Variants in OCA2 observed in about 807,000 individuals in gnomAD.
OCA2 encodes the protein OCA2 melanosomal transmembrane protein, also known as P protein.
In OCA2, 77 loss-of-function variants were observed where a neutral mutation model predicts 100.2. That is an observed-to-expected ratio of 0.77 (90% CI 0.64 to 0.93). The LOEUF (loss-of-function observed/expected upper bound fraction) is 0.93. Among genes scored for constraint, OCA2 ranks in the 40% least tolerant of loss-of-function variants. The probability of loss-of-function intolerance (pLI) is 0.00; values close to 1 mark genes in which losing one functional copy is unlikely to be tolerated. For missense variants in OCA2, 1,062 were observed against 1,089.1 expected, an observed-to-expected ratio of 0.98 and a Z score of 0.35; for synonymous variants, 432 against 439.2, an observed-to-expected ratio of 0.98 and a Z score of 0.21.
At chr15:27,899,952 T>A (rs915707173) in intron 19 of OCA2, among the ~76,000 whole-genome samples, 2 of 152,126 alleles carry the variant, frequency 1.3e-5, no homozygotes, top group African/African-American at 4.8e-5. Context: ...TTAATTATCT[T>A]GAGCTCAGTG....
chr15:27,983,294 T>C (rs1273686423), intron 14 of OCA2, 51 bp downstream of exon 14: 2 of 1,611,322 alleles, frequency 1.2e-6, no homozygotes, highest in East Asian at 4.5e-5. Flanking sequence ...GAGCTCTAAC[T>C]AAGTGGAGGT....
At chr15:28,062,677 T>C (rs2043910561) in intron 2 of OCA2, among the ~76,000 whole-genome samples, 1 of 152,218 alleles carries the variant, frequency 6.6e-6, no homozygotes, top group Non-Finnish European at 1.5e-5. Context: ...CTAGGAGTTT[T>C]ATAGTTTTAG....
At chr15:28,079,046 AG>A (rs1314287028) in intron 2 of OCA2, among the ~76,000 whole-genome samples, 1 of 152,204 alleles carries the variant, frequency 6.6e-6, no homozygotes, top group Non-Finnish European at 1.5e-5. Context: ...CGAGGCTACA[AG>A]GGGATGATTC....
chr15:27,850,509 G>A (rs1159442180), intron 22 of OCA2, among the ~76,000 whole-genome samples: 1 of 152,070 alleles, frequency 6.6e-6, no homozygotes, highest in Non-Finnish European at 1.5e-5. Flanking sequence ...GGCAATTTCA[G>A]CACTCAATTT....
At chr15:27,919,733 T>C (rs955774425) in intron 19 of OCA2, among the ~76,000 whole-genome samples, 8 of 152,294 alleles carry the variant, frequency 5.3e-5, no homozygotes, top group Middle Eastern at 6.8e-3. Context: ...CCACAGAATG[T>C]ACAACACCAA....
At chr15:27,893,677 G>A (rs572958886) in intron 19 of OCA2, among the ~76,000 whole-genome samples, 7 of 152,126 alleles carry the variant, frequency 4.6e-5, no homozygotes, top group East Asian at 3.9e-4. Context: ...CAGAACCCTC[G>A]GACTTACTAG....
intron 18 of OCA2, among the ~76,000 whole-genome samples, chr15:27,931,212 C>T (rs544032196): frequency 3.1e-4 from 32 of 104,266 alleles, no homozygotes; most frequent in African/African-American, 9.2e-4. Context: ...CAATTGTTTA[C>T]GTATTTGAGG....
intron 19 of OCA2, among the ~76,000 whole-genome samples, chr15:27,919,699 C>T (rs2038790251): frequency 6.6e-6 from 1 of 152,106 alleles, no homozygotes. Context: ...ATGATGGATA[C>T]ATGTCATTAT....
chr15:27,891,397 G>A (rs1251044647), intron 19 of OCA2, among the ~76,000 whole-genome samples: 1 of 152,192 alleles, frequency 6.6e-6, no homozygotes, highest in Non-Finnish European at 1.5e-5. Context: ...GGTATGTACT[G>A]GAAACAGAGG....
At position 27,982,659 on chromosome 15, in the gene OCA2, C is replaced by T. The variant is rs570961753; in HGVS notation, c.1503+686G>A. Among the ~76,000 whole-genome samples the T allele has an allele frequency of 4.1e-3, 617 of 152,244 alleles. 1 individual carries two copies. The highest frequency in any genetic ancestry group is 5.2e-3 in the Non-Finnish European group (352 of 68,012). ...CGTTCAAATACAAACACACTGCTAC[C>T]CTTCAGGCACACACACACACAAACA... On this transcript the variant is annotated intron_variant, in intron 14 of 23. Transcript: ENST00000354638.
At chr15:27,880,760 TGA>T (rs1266542945) in intron 19 of OCA2, among the ~76,000 whole-genome samples, 1 of 152,190 alleles carries the variant, frequency 6.6e-6, no homozygotes, top group Non-Finnish European at 1.5e-5. Flanking sequence ...GCTTTTGGAC[TGA>T]GAGGATGGGG....
chr15:27,946,531 T>C (rs557304217), intron 18 of OCA2, among the ~76,000 whole-genome samples: 1 of 152,350 alleles, frequency 6.6e-6, no homozygotes, highest in South Asian at 2.1e-4. Context: ...CACTTTACCT[T>C]TTTTGTCTAT....
At chr15:27,812,352 C>T (rs1231619318) in intron 23 of OCA2, among the ~76,000 whole-genome samples, 1 of 152,122 alleles carries the variant, frequency 6.6e-6, no homozygotes, top group Non-Finnish European at 1.5e-5. Flanking sequence ...AAGTCAGGAG[C>T]ACAGGGAGGG....
At chr15:28,017,402 G>A (rs930876082) in intron 7 of OCA2, among the ~76,000 whole-genome samples, 2 of 152,176 alleles carry the variant, frequency 1.3e-5, no homozygotes, top group African/African-American at 2.4e-5. Flanking sequence ...GGGAGGCAGC[G>A]GGACCGCAGG....
intron 23 of OCA2, among the ~76,000 whole-genome samples, chr15:27,758,590 A>G (rs2030578338): frequency 6.6e-6 from 1 of 152,238 alleles, no homozygotes; most frequent in Admixed American, 6.5e-5. Context: ...ACAAGCAATG[A>G]CAAACACACT....
At chr15:28,097,182 G>C (rs912300381) in intron 1 of OCA2, among the ~76,000 whole-genome samples, 42 of 152,316 alleles carry the variant, frequency 2.8e-4, no homozygotes, top group African/African-American at 9.1e-4. Context: ...GAGAGCACAG[G>C]CGCGCCAGCC....
At chr15:28,082,383 G>A (rs2141906678) in intron 1 of OCA2, among the ~76,000 whole-genome samples, 1 of 152,308 alleles carries the variant, frequency 6.6e-6, no homozygotes, top group East Asian at 1.9e-4. Context: ...CTTTGGGTTT[G>A]TGCCACCTTT....
intron 19 of OCA2, among the ~76,000 whole-genome samples, chr15:27,878,810 T>C (rs2036893391): frequency 6.6e-6 from 1 of 152,192 alleles, no homozygotes; most frequent in African/African-American, 2.4e-5. Flanking sequence ...CTTGCTCCTC[T>C]GAAACTATAA....
intron 1 of OCA2, among the ~76,000 whole-genome samples, chr15:28,092,424 C>T (rs966873363): frequency 6.6e-5 from 10 of 152,140 alleles, no homozygotes; most frequent in South Asian, 2.1e-4. Context: ...GGTGCAATCA[C>T]GCCTCACTGC....
Sources: gnomAD v4.1 joint callset for allele counts (sites outside exome capture counted in the v4.1 genomes callset) on GRCh38, gnomAD v4.1.1 for gene constraint, MANE v1.5 for transcripts, NCBI Gene and HGNC (gene_info 2026-07-23, HGNC 2026-07-21) for gene names.